The following NUDT3 variants were observed in gnomAD, a reference collection of about 807,000 sequenced individuals.
NUDT3 encodes diphosphoinositol polyphosphate phosphohydrolase 1.
NUDT3 carries 9 observed loss-of-function variants against 23.6 expected under a neutral mutation model. That is an observed-to-expected ratio of 0.38 (90% CI 0.23 to 0.66). NUDT3 has a LOEUF of 0.66. Among genes scored for constraint, NUDT3 ranks in the 30% least tolerant of loss-of-function variants. The probability of loss-of-function intolerance (pLI) is 0.52; values close to 1 mark genes in which losing one functional copy is unlikely to be tolerated. For missense variants in NUDT3, 172 were observed against 218.5 expected (o/e 0.79, Z 1.34); for synonymous variants, 86 against 82.6 (o/e 1.04, Z -0.22).
At chr6:34,290,159 T>TA (rs527690435) in intron 4 of NUDT3, among the ~76,000 whole-genome samples, 8 of 152,220 alleles carry the variant, frequency 5.3e-5, no homozygotes, top group Non-Finnish European at 1.2e-4. Context: ...AACTGGCTGC[T>TA]AAAAGAATGT....
Position 34,284,594 on chromosome 6 carries a change from C to A in NUDT3, c.*4159G>T, listed in dbSNP as rs1763313329. The A allele has an allele frequency of 7.0e-6, 1 of 142,474 alleles. No individual in the cohort carries two copies. 8.8% of individuals were successfully genotyped at this position (142,474 alleles called of 1,614,324 possible). A position where few individuals can be genotyped will look rare whatever the true frequency, so the allele number is the denominator to read the frequency against. On this transcript the variant is annotated 3_prime_UTR_variant, in exon 5 of 5. Coordinates refer to ENST00000607016, the MANE Select transcript of NUDT3 (RefSeq NM_006703.4). ...CTCCAACAAAGGCATTAAGAAAGTA[C>A]TAGATGAAAATGAGAAATATGTGAA...
intron 2 of NUDT3, among the ~76,000 whole-genome samples, chr6:34,332,079 TCTCA>T (rs1018482174): frequency 1.2e-4 from 18 of 152,056 alleles, no homozygotes; most frequent in African/African-American, 3.9e-4. Flanking sequence ...AGTGATACGG[TCTCA>T]CTATGTTGCC....
At chr6:34,304,538 T>A (rs545199555) in intron 2 of NUDT3, among the ~76,000 whole-genome samples, 2 of 152,348 alleles carry the variant, frequency 1.3e-5, no homozygotes, top group South Asian at 4.1e-4. Flanking sequence ...ATACATATTT[T>A]AAAATTTTAG....
intron 1 of NUDT3, among the ~76,000 whole-genome samples, chr6:34,345,786 G>T (rs1268087685): frequency 6.6e-6 from 1 of 150,728 alleles, no homozygotes; most frequent in Non-Finnish European, 1.5e-5. Context: ...GTTTTGTTTT[G>T]AGACGGAGTT....
chr6:34,376,746 T>C (rs1764929240), intron 1 of NUDT3, among the ~76,000 whole-genome samples: 1 of 152,156 alleles, frequency 6.6e-6, no homozygotes, highest in African/African-American at 2.4e-5. Flanking sequence ...CCCTGCATTC[T>C]ACTCTCACAC....
rs1223080909 is a variant in NUDT3, at chr6:34,288,347, T to C, written c.*406A>G. The C allele has an allele frequency of 6.2e-6, 1 of 162,180 alleles. No homozygotes were observed. The highest frequency in any genetic ancestry group is 1.3e-5 in the Non-Finnish European group (1 of 75,072). The allele number at this position is 162,180 out of a possible 1,614,324, so 10.0% of individuals were successfully genotyped here. ...CATTATAGGACAAATTATTGGAAGT[T>C]TTCATCTCATACTGGTATCTTTTAA... On this transcript the variant is annotated 3_prime_UTR_variant, in exon 5 of 5. Coordinates refer to ENST00000607016, the MANE Select transcript of NUDT3 (RefSeq NM_006703.4).
intron 2 of NUDT3, among the ~76,000 whole-genome samples, chr6:34,313,104 G>C (rs2113711135): frequency 6.6e-6 from 1 of 152,258 alleles, no homozygotes. Flanking sequence ...GAGCCTGGGA[G>C]GCAAAGCTTG....
At chr6:34,324,379 A>G (rs1278491176) in intron 2 of NUDT3, among the ~76,000 whole-genome samples, 1 of 151,972 alleles carries the variant, frequency 6.6e-6, no homozygotes, top group African/African-American at 2.4e-5. Context: ...AGCCTTCAGA[A>G]TAAGAGCCTT....
chr6:34,341,596 G>A (rs1273923769), intron 2 of NUDT3, among the ~76,000 whole-genome samples: 1 of 152,168 alleles, frequency 6.6e-6, no homozygotes, highest in Non-Finnish European at 1.5e-5. Context: ...TGTGCCACAG[G>A]TAACAGGCAG....
intron 1 of NUDT3, among the ~76,000 whole-genome samples, chr6:34,391,916 G>A (rs1055863835): frequency 5.9e-5 from 9 of 152,102 alleles, no homozygotes; most frequent in African/African-American, 1.2e-4. Flanking sequence ...GCCCTTCCAG[G>A]ATCAAAGCCG....
intron 1 of NUDT3, among the ~76,000 whole-genome samples, chr6:34,365,438 A>G (rs564333315): frequency 6.6e-6 from 1 of 152,106 alleles, no homozygotes; most frequent in Non-Finnish European, 1.5e-5. Flanking sequence ...AAAAATAAAT[A>G]AAATAAATAA....
At position 34,351,224 on chromosome 6, in the gene NUDT3, A is replaced by AAAAAAAAAC. The variant is rs1374203552; in HGVS notation, c.100-9253_100-9252insGTTTTTTTT. On this transcript the variant is annotated intron_variant, in intron 1 of 4. Coordinates refer to ENST00000607016, the MANE Select transcript of NUDT3 (RefSeq NM_006703.4). The stretch of plus-strand genomic sequence containing the variant: ...AAAAAAAAAAAAAAAAAAAAAAAAA[A>AAAAAAAAAC]AACACTTTGGGAGGCCAAGATGGGA... 5.1e-5 allele frequency among the ~76,000 whole-genome samples: 7 copies of AAAAAAAAAC among 136,350 alleles called. 2 individuals are homozygous for AAAAAAAAAC. The highest frequency in any genetic ancestry group is 2.1e-4 in the African/African-American group (7 of 33,740). 89.5% of individuals were successfully genotyped at this position (136,350 alleles called of 152,430 possible). A position where few individuals can be genotyped will look rare whatever the true frequency, so the allele number is the denominator to read the frequency against.
At chr6:34,379,446 G>A (rs1764977506) in intron 1 of NUDT3, among the ~76,000 whole-genome samples, 1 of 151,984 alleles carries the variant, frequency 6.6e-6, no homozygotes. Context: ...TGTAATCCCA[G>A]CTACTTGGGA....
At chr6:34,303,986 C>T (rs1158456203) in intron 2 of NUDT3, among the ~76,000 whole-genome samples, 1 of 152,192 alleles carries the variant, frequency 6.6e-6, no homozygotes, top group African/African-American at 2.4e-5. Context: ...GGCGCAGTGG[C>T]TCATGCCTGT....
Position 34,293,496 on chromosome 6 carries a change from T to G in NUDT3, c.295A>C (p.Ile99Leu), listed in dbSNP as rs150349878. The G allele has an allele frequency of 2.1e-4, 333 of 1,614,070 alleles. No homozygotes were observed. Among genetic ancestry groups the G allele is most frequent in the Non-Finnish European group, 2.6e-4 (301 of 1,180,034 alleles). Reference sequence around the variant, plus strand: ...CAGTCTTCCAGCACTTCAGTGACAATGAGCACATAGACATACGTCCTGTGC... The same window carrying G: ...CAGTCTTCCAGCACTTCAGTGACAAGGAGCACATAGACATACGTCCTGTGC... ...RKHRTYVYVL[I>L]VTEVLEDWED... The change falls in exon 4 of 5, where the codon ATT becomes CTT. Residue 99 changes from isoleucine to leucine, a missense_variant. Physicochemically the swap from Ile to Leu is conservative, Grantham distance 5 (BLOSUM62 2). Around this residue, in one of 3 missense-constraint regions of NUDT3, gnomAD observed 59 missense variants for 107.4 expected, o/e 0.55. Transcript: ENST00000607016.
Position 34,297,188 on chromosome 6 carries a change from T to C in NUDT3, c.211-1503A>G, listed in dbSNP as rs367773160. On this transcript the variant is annotated intron_variant, in intron 2 of 4. Coordinates refer to ENST00000607016, the MANE Select transcript of NUDT3 (RefSeq NM_006703.4). ...ACCTCGTGATCCGCCCATCTCAGTCTCCCAAAGTGCTGGGATTACAGGCGT... is the reference window on the plus strand; with the variant it reads ...ACCTCGTGATCCGCCCATCTCAGTCCCCCAAAGTGCTGGGATTACAGGCGT... Among the ~76,000 whole-genome samples the C allele has an allele frequency of 5.7e-4, 87 of 152,182 alleles. No individual in the cohort carries two copies. The East Asian group carries it at 8.5e-3, about 15-fold the overall frequency.
At chr6:34,322,494 A>G (rs375334886) in intron 2 of NUDT3, among the ~76,000 whole-genome samples, 26 of 152,256 alleles carry the variant, frequency 1.7e-4, no homozygotes, top group African/African-American at 2.2e-4. Flanking sequence ...CTCCCAAAGT[A>G]CTGGGACTAC....
chr6:34,346,852 C>T (rs191914455), intron 1 of NUDT3, among the ~76,000 whole-genome samples: 85 of 152,264 alleles, frequency 5.6e-4, no homozygotes, highest in African/African-American at 2.0e-3. Context: ...AACTCCTTGG[C>T]GGTAGAGATC....
intron 1 of NUDT3, among the ~76,000 whole-genome samples, chr6:34,380,218 A>C (rs1764991401): frequency 6.6e-6 from 1 of 151,624 alleles, no homozygotes; most frequent in African/African-American, 2.4e-5. Flanking sequence ...CGCCCGGCTA[A>C]TTTTTGTATA....
Sources: gnomAD v4.1 joint callset for allele counts (sites outside exome capture counted in the v4.1 genomes callset) on GRCh38, gnomAD v4.1.1 for gene constraint, gnomAD v4.1.1 regional missense constraint, MANE v1.5 for transcripts, NCBI Gene and HGNC (gene_info 2026-07-23, HGNC 2026-07-21) for gene names.